The following ACOX2 variants were observed in gnomAD, a reference collection of about 807,000 sequenced individuals.
ACOX2 encodes acyl-CoA oxidase 2, also known as peroxisomal acyl-coenzyme A oxidase 2.
ACOX2 carries 59 observed loss-of-function variants against 77.5 expected under a neutral mutation model. The ratio of observed to expected loss-of-function variants is 0.76; its 90% CI spans 0.62 to 0.95. ACOX2 has a LOEUF of 0.95. Among genes scored for constraint, ACOX2 ranks in the 40% least tolerant of loss-of-function variants. ACOX2 has a pLI of 0.00. For missense variants in ACOX2, 837 were observed against 880.4 expected, an observed-to-expected ratio of 0.95 and a Z score of 0.62; for synonymous variants, 317 against 340.1, an observed-to-expected ratio of 0.93 and a Z score of 0.75.
rs369658583 is a variant in ACOX2, at chr3:58,534,457, G to A, written c.226C>T (p.Arg76Cys). 9.0e-5 allele frequency: 145 copies of A among 1,614,012 alleles called. No individual in the cohort carries two copies. The highest frequency in any genetic ancestry group is 1.1e-4 in the Non-Finnish European group (134 of 1,180,038). Residue 76 changes from arginine to cysteine, a missense_variant, in exon 3 of 15, where the codon CGT (arginine) becomes TGT (cysteine). Physicochemically the swap from Arg to Cys is radical, Grantham distance 180. Coordinates refer to ENST00000302819, the MANE Select transcript of ACOX2 (RefSeq NM_003500.4). This position sits in a 1 kb window ranked among gnomAD's most constrained non-coding sequence, Gnocchi z 4.8. ...GCCCTCCGCATGGCAGCCTTATAAC[G>A]CTCATTCTGGGTCATGAAATAATTG... Reference protein sequence around the residue: ...KDNYFMTQNERYKAAMRRAFH... With the variant: ...KDNYFMTQNECYKAAMRRAFH...
At chr3:58,510,701 TATATATATACACACACAC>T (rs2063278951) in intron 13 of ACOX2, among the ~76,000 whole-genome samples, 8 of 5,468 alleles carry the variant, frequency 1.5e-3, no homozygotes, top group African/African-American at 3.0e-3. Context: ...TATATATATA[TATATATATACACACACAC>T]ACACACACAC....
rs376975811 is a variant in ACOX2 at position 58,534,564 on chromosome 3, G to A, written c.161-42C>T. 6 of 1,613,994 alleles carry A rather than the reference G, an allele frequency of 3.7e-6. No homozygotes were observed. Among genetic ancestry groups the A allele is most frequent in the African/African-American group, 2.7e-5 (2 of 75,036 alleles). ...ACAGAGGGCTTAGGGACCTGGGTGAGGTTTCTGGCACCTTGAAATCTTCTC... is the reference window on the plus strand; with the variant it reads ...ACAGAGGGCTTAGGGACCTGGGTGAAGTTTCTGGCACCTTGAAATCTTCTC... On this transcript the variant is annotated intron_variant, in intron 2 of 14. Transcript: ENST00000302819. This position sits in a 1 kb window ranked among gnomAD's most constrained non-coding sequence, Gnocchi z 4.8.
At position 58,515,607 on chromosome 3, in the gene ACOX2, T is replaced by G. The variant is rs1008816633; in HGVS notation, c.1850+1599A>C. Among the ~76,000 whole-genome samples the G allele has an allele frequency of 1.3e-5, 2 of 152,184 alleles. No individual in the cohort carries two copies. Among genetic ancestry groups the G allele is most frequent in the African/African-American group, 4.8e-5 (2 of 41,456 alleles). ...CCACTGCTCCCAGCCTCTTTTTTTC[T>G]TTTTATTAGTCTTGTTGATATAAGA... is the stretch of plus-strand genomic sequence containing the variant. On this transcript the variant is annotated intron_variant, in intron 13 of 14. Coordinates refer to ENST00000302819, the MANE Select transcript of ACOX2 (RefSeq NM_003500.4). The surrounding 1 kb of genome is among the most constrained non-coding windows in gnomAD (Gnocchi z 4.0).
chr3:58,525,199 G>C lies in ACOX2; in HGVS notation c.1347-594C>G, dbSNP rs1195275639. 1.3e-5 allele frequency among the ~76,000 whole-genome samples: 2 copies of C among 152,222 alleles called. No homozygotes were observed. Among genetic ancestry groups the C allele is most frequent in the East Asian group, 1.9e-4 (1 of 5,190 alleles). On this transcript the variant is annotated intron_variant, in intron 10 of 14. Transcript: ENST00000302819. This position sits in a 1 kb window ranked among gnomAD's most constrained non-coding sequence, Gnocchi z 5.0. ...ATTGAGGGTTTGTGAAATGGAATGA[G>C]ATGATATTTGTAGAGTGCTTGGCAC...
chr3:58,515,262 C>T lies in ACOX2; in HGVS notation c.1850+1944G>A, dbSNP rs1328441680. On this transcript the variant is annotated intron_variant, in intron 13 of 14. Transcript: ENST00000302819. The surrounding 1 kb of genome is among the most constrained non-coding windows in gnomAD (Gnocchi z 4.0). ...CCTCGAACTCCTGACCTCAGGTGAT[C>T]CACCCACCTTGGCCTCCCAAAGTGC... Among the ~76,000 whole-genome samples, 4 of 152,226 alleles carry T rather than the reference C, an allele frequency of 2.6e-5. No homozygotes were observed. The highest frequency in any genetic ancestry group is 5.9e-5 in the Non-Finnish European group (4 of 68,046).
chr3:58,513,631 CT>C (rs2063302433), intron 13 of ACOX2, among the ~76,000 whole-genome samples: 1 of 151,286 alleles, frequency 6.6e-6, no homozygotes, highest in Non-Finnish European at 1.5e-5. Context: ...TGAGATATCA[CT>C]GTTTTTTTTT....
Position 58,505,182 on chromosome 3 carries a change from C to T in ACOX2, c.*42G>A. 1 of 1,512,564 alleles carries T rather than the reference C, an allele frequency of 6.6e-7. No homozygotes were observed. Among genetic ancestry groups the T allele is most frequent in the Non-Finnish European group, 9.1e-7 (1 of 1,095,454 alleles). The allele number at this position is 1,512,564 out of a possible 1,614,324, so 93.7% of individuals were successfully genotyped here. On this transcript the variant is annotated 3_prime_UTR_variant, in exon 15 of 15. Transcript: ENST00000302819. This position sits in a 1 kb window ranked among gnomAD's most constrained non-coding sequence, Gnocchi z 4.4. ...TGCATATATGCCATAGTACCATTATCACATGATGGTGCTGGTTGCTTCTTG... is the reference window on the plus strand; with the variant it reads ...TGCATATATGCCATAGTACCATTATTACATGATGGTGCTGGTTGCTTCTTG...
intron 14 of ACOX2, among the ~76,000 whole-genome samples, chr3:58,508,595 G>A (rs1317255500): frequency 6.6e-6 from 1 of 152,182 alleles, no homozygotes; most frequent in African/African-American, 2.4e-5. Flanking sequence ...ACCACTCTGT[G>A]TGTATGCACT....
At chr3:58,530,254 G>A (rs1373570307) in intron 8 of ACOX2, among the ~76,000 whole-genome samples, 2 of 152,242 alleles carry the variant, frequency 1.3e-5, no homozygotes, top group Non-Finnish European at 2.9e-5. Flanking sequence ...TAGGCCGGCT[G>A]GTCAGCCCTG....
Position 58,526,386 on chromosome 3 carries a change from C to T in ACOX2, c.1346+80G>A. The T allele has an allele frequency of 4.8e-6, 7 of 1,460,500 alleles. No individual in the cohort carries two copies. Among genetic ancestry groups the T allele is most frequent in the Non-Finnish European group, 6.4e-6 (7 of 1,093,350 alleles). The allele number at this position is 1,460,500 out of a possible 1,614,324, so 90.5% of individuals were successfully genotyped here. ...CAAAGCCTGCTCTTTTTATGGGCCT[C>T]AGACGGAACCCTCCACCCAACAGAA... On this transcript the variant is annotated intron_variant, in intron 10 of 14. Transcript: ENST00000302819. This position sits in a 1 kb window ranked among gnomAD's most constrained non-coding sequence, Gnocchi z 4.3.
In ACOX2 at chr3:58,531,958, C is replaced by T. The variant is rs139077355; in HGVS notation, c.584-146G>A. ...GATCAAAGAGAGAGGGGATTGCCCC[C>T]AAAGAACCAAGCAAACCTAGCAGCG... On this transcript the variant is annotated intron_variant, in intron 5 of 14. Transcript: ENST00000302819. This position sits in a 1 kb window ranked among gnomAD's most constrained non-coding sequence, Gnocchi z 5.8. The T allele has an allele frequency of 3.3e-4, 421 of 1,283,822 alleles. 2 individuals are homozygous for T. The East Asian group carries it at 0.01, about 31-fold the overall frequency. The allele number at this position is 1,283,822 out of a possible 1,614,324, so 79.5% of individuals were successfully genotyped here. A position where few individuals can be genotyped will look rare whatever the true frequency, so the allele number is the denominator to read the frequency against.
chr3:58,526,421 G>A lies in ACOX2; in HGVS notation c.1346+45C>T. 1.3e-6 allele frequency: 2 copies of A among 1,554,918 alleles called. No individual in the cohort carries two copies. Among genetic ancestry groups the A allele is most frequent in the Non-Finnish European group, 1.7e-6 (2 of 1,147,708 alleles). Reference sequence around the variant, plus strand: ...CCTCCACCCAACAGAAGCTTGGTGGGTCCCCAAGGGCTTGGGCAAAGGCCT... The same window carrying A: ...CCTCCACCCAACAGAAGCTTGGTGGATCCCCAAGGGCTTGGGCAAAGGCCT... On this transcript the variant is annotated intron_variant, in intron 10 of 14. Transcript: ENST00000302819. The surrounding 1 kb of genome is among the most constrained non-coding windows in gnomAD (Gnocchi z 4.3).
chr3:58,533,828 G>C lies in ACOX2; in HGVS notation c.475+166C>G. On this transcript the variant is annotated intron_variant, in intron 4 of 14. Coordinates refer to ENST00000302819, the MANE Select transcript of ACOX2 (RefSeq NM_003500.4). This position sits in a 1 kb window ranked among gnomAD's most constrained non-coding sequence, Gnocchi z 5.6. Reference sequence around the variant, plus strand: ...CTCATACAATACGTGCAAATTAGAAGGTGGCACCCCTTCCTCAGGACCCTT... The same window carrying C: ...CTCATACAATACGTGCAAATTAGAACGTGGCACCCCTTCCTCAGGACCCTT... The C allele has an allele frequency of 1.1e-6, 1 of 897,380 alleles. No homozygotes were observed. Among genetic ancestry groups the C allele is most frequent in the Non-Finnish European group, 1.7e-6 (1 of 602,512 alleles). The allele number at this position is 897,380 out of a possible 1,614,324, so 55.6% of individuals were successfully genotyped here. A position where few individuals can be genotyped will look rare whatever the true frequency, so the allele number is the denominator to read the frequency against.
intron 12 of ACOX2, among the ~76,000 whole-genome samples, 190 bp from the exon 13 acceptor site, chr3:58,517,613 T>G (rs4544632): frequency 0.89 from 108,457 of 122,218 alleles, 47,759 homozygotes; most frequent in East Asian, 0.99. Flanking sequence ...ATGTGTGTGT[T>G]GGGGGGGGGA....
At position 58,505,313 on chromosome 3, in the gene ACOX2, AAC is replaced by A. The variant is rs774563837; in HGVS notation, c.1984-29_1984-28del. On this transcript the variant is annotated intron_variant, in intron 14 of 14. Transcript: ENST00000302819. The surrounding 1 kb of genome is among the most constrained non-coding windows in gnomAD (Gnocchi z 4.4). Reference sequence around the variant, plus strand: ...TGTTTGTAGAAAGAAACGCATTATTAACACAGTACATTTCTGCCAGGATTAAT... The same window carrying A: ...TGTTTGTAGAAAGAAACGCATTATTAACAGTACATTTCTGCCAGGATTAAT... 3.2e-6 allele frequency: 5 copies of A among 1,573,150 alleles called. No homozygotes were observed. Among genetic ancestry groups the A allele is most frequent in the East Asian group, 2.3e-5 (1 of 44,374 alleles).
At chr3:58,506,924 A>T (rs917126748) in intron 14 of ACOX2, among the ~76,000 whole-genome samples, 1 of 152,224 alleles carries the variant, frequency 6.6e-6, no homozygotes, top group Non-Finnish European at 1.5e-5. Flanking sequence ...TTAAAAAATT[A>T]TCCACAGCAC....
At position 58,524,744 on chromosome 3, in the gene ACOX2, G is replaced by T; in HGVS notation, c.1347-139C>A. The T allele has an allele frequency of 1.0e-6, 1 of 973,270 alleles. No individual in the cohort carries two copies. Among genetic ancestry groups the T allele is most frequent in the Non-Finnish European group, 1.5e-6 (1 of 668,676 alleles). The allele number at this position is 973,270 out of a possible 1,614,324, so 60.3% of individuals were successfully genotyped here. A position where few individuals can be genotyped will look rare whatever the true frequency, so the allele number is the denominator to read the frequency against. On this transcript the variant is annotated intron_variant, in intron 10 of 14. Transcript: ENST00000302819. This position sits in a 1 kb window ranked among gnomAD's most constrained non-coding sequence, Gnocchi z 5.5. ...GAGCCAGGTCACCAGGCCTCTGCCT[G>T]GCCTCCCTCCTGAGGGTTCCCCCTC...
chr3:58,510,701 TATATATATACACACACACAC>T lies in ACOX2; in HGVS notation c.1851-1696_1851-1677del, dbSNP rs1457396649. ...ATATATATATATATATATATATATA[TATATATATACACACACACAC>T]ACACACACACACACACACACTCAAC... On this transcript the variant is annotated intron_variant, in intron 13 of 14. Transcript: ENST00000302819. Among the ~76,000 whole-genome samples, 21 of 5,462 alleles carry T rather than the reference TATATATATACACACACACAC, an allele frequency of 3.8e-3. 1 individual carries two copies. Among genetic ancestry groups the T allele is most frequent in the East Asian group, 0.016 (2 of 128 alleles). 3.6% of individuals were successfully genotyped at this position (5,462 alleles called of 152,430 possible). A position where few individuals can be genotyped will look rare whatever the true frequency, so the allele number is the denominator to read the frequency against.
intron 13 of ACOX2, among the ~76,000 whole-genome samples, chr3:58,513,007 T>C (rs964710813): frequency 2.6e-5 from 4 of 152,108 alleles, no homozygotes; most frequent in African/African-American, 4.8e-5. Flanking sequence ...CTGCCTGTAA[T>C]GCTCTTTCCC....
Sources: allele counts gnomAD v4.1 joint callset (sites outside exome capture counted in the v4.1 genomes callset), GRCh38; gene constraint gnomAD v4.1.1; non-coding constraint Gnocchi (gnomAD v3.1); transcripts MANE v1.5; gene names NCBI Gene and HGNC (gene_info 2026-07-23, HGNC 2026-07-21).